Variants in TRIO observed in about 807,000 individuals in gnomAD.
The protein encoded by TRIO is triple functional domain protein.
Under a neutral mutation model 351.9 loss-of-function variants are expected in TRIO, and 58 were observed. That is an observed-to-expected ratio of 0.16 (90% CI 0.13 to 0.21). The LOEUF (loss-of-function observed/expected upper bound fraction) is 0.21. Among genes scored for constraint, TRIO ranks in the 10% least tolerant of loss-of-function variants. The pLI is 1.00. For missense variants in TRIO, 3,201 were observed against 4,027.8 expected (o/e 0.79, Z 5.56); for synonymous variants, 1,758 against 1,595.7 (o/e 1.10, Z -2.42).
rs762942364 is a variant in TRIO at position 14,465,539 on chromosome 5, C to T, written c.5668-6C>T. 1.9e-6 allele frequency: 3 copies of T among 1,613,642 alleles called. No homozygotes were observed. Among genetic ancestry groups the T allele is most frequent in the Non-Finnish European group, 2.5e-6 (3 of 1,179,708 alleles). On this transcript the variant is annotated splice_region_variant and splice_polypyrimidine_tract_variant and intron_variant, in intron 36 of 56. Transcript: ENST00000344204. ...CACCCCCTCCTTTTCTTAATTTCTT[C>T]TGTAGGCCTCTTCTCGGTTATTAGT...
At chr5:14,361,468 C>G (rs2152338667) in intron 13 of TRIO, among the ~76,000 whole-genome samples, 1 of 152,312 alleles carries the variant, frequency 6.6e-6, no homozygotes, top group South Asian at 2.1e-4. Flanking sequence ...AGATCACAGC[C>G]TGAGAACCTC....
At position 14,508,362 on chromosome 5, in the gene TRIO, T is replaced by C. The variant is rs758032027; in HGVS notation, c.9234T>C (p.Asp3078=). 67 of 1,613,878 alleles carry C rather than the reference T, an allele frequency of 4.2e-5. No individual in the cohort carries two copies. The highest frequency in any genetic ancestry group is 5.4e-5 in the Non-Finnish European group (64 of 1,180,042). ...TTGAGCGGCGCAAACACCAGAATGA[T>C]GTTCGACCTATCCGTAGCATTAAAA... is the stretch of plus-strand genomic sequence containing the variant. The part of the protein sequence containing the change: ...SFIERRKHQN[D]VRPIRSIKNF... The change falls in exon 57 of 57, where the codon GAT becomes GAC. Residue 3078 remains aspartate (D), a synonymous_variant. Transcript: ENST00000344204.
At chr5:14,349,900 C>G (rs973618160) in intron 11 of TRIO, among the ~76,000 whole-genome samples, 1 of 152,110 alleles carries the variant, frequency 6.6e-6, no homozygotes, top group Non-Finnish European at 1.5e-5. Context: ...CAAGTAGGTC[C>G]TAGTGTCTGT....
chr5:14,355,464 T>C lies in TRIO; in HGVS notation c.2047-2714T>C, dbSNP rs192177060. Among the ~76,000 whole-genome samples, 91 of 152,302 alleles carry C rather than the reference T, an allele frequency of 6.0e-4. 1 individual carries two copies. Among genetic ancestry groups the C allele is most frequent in the Non-Finnish European group, 1.2e-4 (8 of 68,008 alleles). On this transcript the variant is annotated intron_variant, in intron 11 of 56. Transcript: ENST00000344204. ...CGCCTTTAGGTGGCATTGATATTCCTAGGATCCCTGTTTTAGCAAACTGAG... is the reference window on the plus strand; with the variant it reads ...CGCCTTTAGGTGGCATTGATATTCCCAGGATCCCTGTTTTAGCAAACTGAG...
chr5:14,506,380 AAG>A (rs1757686990), intron 55 of TRIO, among the ~76,000 whole-genome samples: 1 of 152,134 alleles, frequency 6.6e-6, no homozygotes. Flanking sequence ...CTGTTTTGCA[AAG>A]AGAGCAGCAT....
intron 2 of TRIO, among the ~76,000 whole-genome samples, chr5:14,276,407 A>G (rs1735522641): frequency 6.6e-6 from 1 of 152,270 alleles, no homozygotes; most frequent in Non-Finnish European, 1.5e-5. Flanking sequence ...TGAGCCTAGA[A>G]GGTGCAGGGC....
chr5:14,240,298 A>G lies in TRIO; in HGVS notation c.158-30527A>G, dbSNP rs558687795. 1.2e-4 allele frequency among the ~76,000 whole-genome samples: 18 copies of G among 152,258 alleles called. No individual in the cohort carries two copies. In the South Asian group the frequency reaches 1.2e-3, roughly 11 times the overall value. ...AGTCAGTTATTATCTACTAAATGCA[A>G]TTTGGTAGGGAGATTTCTTTCAAAT... On this transcript the variant is annotated intron_variant, in intron 1 of 56. Transcript: ENST00000344204.
intron 34 of TRIO, among the ~76,000 whole-genome samples, chr5:14,426,049 C>T (rs551929308): frequency 6.6e-6 from 1 of 152,120 alleles, no homozygotes; most frequent in African/African-American, 2.4e-5. Flanking sequence ...TCATTTCTAC[C>T]GTTACTCTTA....
intron 1 of TRIO, among the ~76,000 whole-genome samples, chr5:14,219,652 C>G (rs996191067): frequency 2.0e-5 from 3 of 152,140 alleles, no homozygotes; most frequent in Non-Finnish European, 4.4e-5. Flanking sequence ...TGAGGAATCA[C>G]CTGCATTAGT....
intron 28 of TRIO, among the ~76,000 whole-genome samples, chr5:14,396,641 T>C (rs1406301914): frequency 1.3e-5 from 2 of 151,104 alleles, no homozygotes; most frequent in Non-Finnish European, 3.0e-5. Context: ...AGCTAATTTT[T>C]TTTTTTTAAG....
At chr5:14,437,969 C>G (rs779328457) in intron 34 of TRIO, among the ~76,000 whole-genome samples, 14 of 152,164 alleles carry the variant, frequency 9.2e-5, no homozygotes, top group Non-Finnish European at 1.6e-4. Context: ...CAGAGACAAA[C>G]GTTATGTCCT....
At chr5:14,246,780 T>A (rs1298327528) in intron 1 of TRIO, among the ~76,000 whole-genome samples, 2 of 152,236 alleles carry the variant, frequency 1.3e-5, no homozygotes, top group Non-Finnish European at 2.9e-5. Context: ...CCTGCCATTC[T>A]GTTGTGCTCT....
At chr5:14,396,316 T>G (rs1747572763) in intron 28 of TRIO, among the ~76,000 whole-genome samples, 1 of 151,968 alleles carries the variant, frequency 6.6e-6, no homozygotes, top group Non-Finnish European at 1.5e-5. Context: ...GGACATTGCA[T>G]TCATAGCTCC....
intron 34 of TRIO, among the ~76,000 whole-genome samples, chr5:14,448,808 G>C (rs996094012): frequency 1.3e-5 from 2 of 151,850 alleles, no homozygotes; most frequent in African/African-American, 4.8e-5. Flanking sequence ...TTTTGTTCTT[G>C]TGTAAAAGTC....
At chr5:14,331,244 T>C (rs562204832) in intron 10 of TRIO, among the ~76,000 whole-genome samples, 1 of 152,358 alleles carries the variant, frequency 6.6e-6, no homozygotes, top group Non-Finnish European at 1.5e-5. Flanking sequence ...GGCTAAGCCT[T>C]ACTTGTTCTG....
intron 11 of TRIO, among the ~76,000 whole-genome samples, chr5:14,353,252 A>G (rs1369841245): frequency 1.3e-5 from 2 of 149,214 alleles, no homozygotes; most frequent in South Asian, 2.1e-4. Flanking sequence ...TTGTCTTCTC[A>G]TTGAAACTTC....
intron 1 of TRIO, among the ~76,000 whole-genome samples, chr5:14,171,005 G>T (rs1212476070): frequency 6.6e-6 from 1 of 152,092 alleles, no homozygotes; most frequent in Non-Finnish European, 1.5e-5. Context: ...ACTGAAACTT[G>T]ACTCTGTTTT....
At chr5:14,467,576 G>C (rs1754356746) in intron 37 of TRIO, among the ~76,000 whole-genome samples, 1 of 152,102 alleles carries the variant, frequency 6.6e-6, no homozygotes, top group Admixed American at 6.6e-5. Flanking sequence ...AGCACTTTAG[G>C]AGGCCAAGGC....
intron 23 of TRIO, 85 bp from the exon 24 acceptor site, chr5:14,388,528 C>A: frequency 6.0e-6 from 8 of 1,326,960 alleles, no homozygotes; most frequent in Non-Finnish European, 8.6e-6. Flanking sequence ...TTTAGACCCA[C>A]TCTGTTATTT....
Sources: allele counts gnomAD v4.1 joint callset (sites outside exome capture counted in the v4.1 genomes callset), GRCh38; gene constraint gnomAD v4.1.1; transcripts MANE v1.5; gene names NCBI Gene and HGNC (gene_info 2026-07-23, HGNC 2026-07-21).